Variants in RASAL2 observed in about 807,000 individuals in gnomAD.
RASAL2 encodes the protein RAS protein activator like 2, also known as ras GTPase-activating protein nGAP.
Under a neutral mutation model 128.9 loss-of-function variants are expected in RASAL2, and 58 were observed. That is an observed-to-expected ratio of 0.45 (90% CI 0.36 to 0.56). RASAL2 has a LOEUF of 0.56. RASAL2 is among the 20% of genes least tolerant of loss of function. The pLI is 0.00. For synonymous variants in RASAL2, 561 were observed against 580.8 expected (o/e 0.97, Z 0.49); for missense variants, 1,360 against 1,601.6 (o/e 0.85, Z 2.57).
chr1:178,433,084 C>T (rs937233904), intron 5 of RASAL2, among the ~76,000 whole-genome samples: 1 of 152,092 alleles, frequency 6.6e-6, no homozygotes, highest in African/African-American at 2.4e-5. Flanking sequence ...CCCACTCCAA[C>T]ACCCCAGCCT....
At chr1:178,379,907 A>AT (rs1358947986) in intron 3 of RASAL2, among the ~76,000 whole-genome samples, 1 of 152,228 alleles carries the variant, frequency 6.6e-6, no homozygotes, top group Non-Finnish European at 1.5e-5. Flanking sequence ...AAATTTGGAA[A>AT]TTTGTGACTT....
chr1:178,131,015 C>G (rs57503587), intron 1 of RASAL2, among the ~76,000 whole-genome samples: 16,500 of 40,392 alleles, frequency 0.41, 1,173 homozygotes, highest in South Asian at 0.52. Flanking sequence ...GATAGCACCA[C>G]TGCAGTCCCA....
chr1:178,332,636 G>A (rs1031945869), intron 3 of RASAL2, among the ~76,000 whole-genome samples: 43 of 147,342 alleles, frequency 2.9e-4, no homozygotes, highest in Non-Finnish European at 5.4e-4. Context: ...TTTTGAGACG[G>A]AGTCTCACTC....
chr1:178,177,891 C>T (rs1280856051), intron 1 of RASAL2, among the ~76,000 whole-genome samples: 1 of 152,130 alleles, frequency 6.6e-6, no homozygotes, highest in Non-Finnish European at 1.5e-5. Context: ...GGATAATGCC[C>T]TACATTACAA....
intron 1 of RASAL2, among the ~76,000 whole-genome samples, chr1:178,217,790 G>A (rs1663474446): frequency 6.6e-6 from 1 of 152,172 alleles, no homozygotes; most frequent in Non-Finnish European, 1.5e-5. Context: ...TGAACATGGG[G>A]ATGGCTGTGG....
rs542530711 is a variant in RASAL2 at position 178,361,367 on chromosome 1, TA to T, written c.458-28732del. Among the ~76,000 whole-genome samples the T allele has an allele frequency of 1.6e-4, 25 of 152,320 alleles. 2 individuals carry two copies. The East Asian group carries it at 4.8e-3, about 29-fold the overall frequency. On this transcript the variant is annotated intron_variant, in intron 3 of 17. Coordinates refer to ENST00000367649, the MANE Select transcript of RASAL2 (RefSeq NM_170692.4). ...GGTGATAAATGTATTGAACATTTTT[TA>T]TAATTGTGGTTTTTAATGTAAAAAA...
intron 1 of RASAL2, among the ~76,000 whole-genome samples, chr1:178,234,055 T>C (rs1433533834): frequency 1.2e-4 from 19 of 152,220 alleles, no homozygotes; most frequent in Admixed American, 1.2e-3. Flanking sequence ...AACCTTTTAA[T>C]GACTTATAGT....
chr1:178,116,911 A>T (rs1659540157), intron 1 of RASAL2, among the ~76,000 whole-genome samples: 1 of 152,164 alleles, frequency 6.6e-6, no homozygotes, highest in Non-Finnish European at 1.5e-5. Context: ...TAGATTGCTA[A>T]TTTTTGTAAT....
chr1:178,187,072 C>G (rs970218868), intron 1 of RASAL2, among the ~76,000 whole-genome samples: 13 of 152,146 alleles, frequency 8.5e-5, no homozygotes, highest in Admixed American at 5.9e-4. Flanking sequence ...AAGCAATCCT[C>G]CTGCCTCGGC....
intron 1 of RASAL2, among the ~76,000 whole-genome samples, chr1:178,111,633 G>T (rs1659325986): frequency 6.6e-6 from 1 of 152,138 alleles, no homozygotes; most frequent in Non-Finnish European, 1.5e-5. Flanking sequence ...AGCCATTGTG[G>T]TTTCAATTTA....
chr1:178,433,338 T>G (rs770018170), intron 5 of RASAL2, among the ~76,000 whole-genome samples: 1 of 152,130 alleles, frequency 6.6e-6, no homozygotes, highest in Non-Finnish European at 1.5e-5. Flanking sequence ...CTCTACTTAG[T>G]GCTCATAGAG....
intron 9 of RASAL2, among the ~76,000 whole-genome samples, chr1:178,449,512 G>A (rs1311860465): frequency 6.6e-6 from 1 of 151,846 alleles, no homozygotes; most frequent in South Asian, 2.1e-4. Flanking sequence ...AACATTCTGG[G>A]CACAAACTTA....
chr1:178,259,756 A>T (rs1283717194), intron 1 of RASAL2, among the ~76,000 whole-genome samples: 1 of 151,986 alleles, frequency 6.6e-6, no homozygotes, highest in Non-Finnish European at 1.5e-5. Flanking sequence ...TTGAGATGGG[A>T]TCTCACTTTG....
intron 1 of RASAL2, among the ~76,000 whole-genome samples, chr1:178,100,631 CT>C (rs1658861593): frequency 6.6e-6 from 1 of 151,992 alleles, no homozygotes; most frequent in African/African-American, 2.4e-5. Context: ...ACATAGTAGG[CT>C]TTACCAAGAT....
chr1:178,117,519 C>T (rs1034513935), intron 1 of RASAL2, among the ~76,000 whole-genome samples: 1 of 152,166 alleles, frequency 6.6e-6, no homozygotes, highest in African/African-American at 2.4e-5. Context: ...TGCTGATGTC[C>T]TCCCCAATTC....
chr1:178,277,938 T>A (rs1666601928), intron 1 of RASAL2, among the ~76,000 whole-genome samples: 1 of 152,190 alleles, frequency 6.6e-6, no homozygotes, highest in Non-Finnish European at 1.5e-5. Context: ...GTCTCACCAA[T>A]GCAACACAGT....
At chr1:178,436,620 G>C (rs1455980301) in intron 5 of RASAL2, among the ~76,000 whole-genome samples, 1 of 152,130 alleles carries the variant, frequency 6.6e-6, no homozygotes, top group Non-Finnish European at 1.5e-5. Flanking sequence ...GTGAGAGAAA[G>C]CTTTGTACTT....
At chr1:178,263,560 T>C (rs1471951523) in intron 1 of RASAL2, among the ~76,000 whole-genome samples, 3 of 152,208 alleles carry the variant, frequency 2.0e-5, no homozygotes, top group African/African-American at 7.2e-5. Context: ...ATTTACTGAG[T>C]ACTTTTCTGT....
chr1:178,442,905 G>T lies in RASAL2; in HGVS notation c.1158G>T (p.Lys386Asn). The change falls in exon 8 of 18, where the codon AAG becomes AAT. Residue 386 changes from lysine (K) to asparagine (N), a missense_variant. Coordinates refer to ENST00000367649, the MANE Select transcript of RASAL2 (RefSeq NM_170692.4). ...ACATTTACAAGGATGTGGAAAAAAA[G>T]AAAAAAAAGGACAAGAATAATTATG... ...TVHIYKDVEK[K>N]KKKDKNNYVG... 6.2e-7 allele frequency: 1 copy of T among 1,611,282 alleles called. No individual in the cohort carries two copies. Among genetic ancestry groups the T allele is most frequent in the Non-Finnish European group, 8.5e-7 (1 of 1,179,208 alleles).
Sources: allele counts gnomAD v4.1 joint callset (sites outside exome capture counted in the v4.1 genomes callset), GRCh38; gene constraint gnomAD v4.1.1; transcripts MANE v1.5; gene names NCBI Gene and HGNC (gene_info 2026-07-23, HGNC 2026-07-21).